Variants in ESRRG observed in about 807,000 individuals in gnomAD.
The protein encoded by ESRRG is estrogen-related receptor gamma.
A neutral mutation model predicts 44.0 loss-of-function variants in ESRRG; 13 were observed. That is an observed-to-expected ratio of 0.30 (90% CI 0.19 to 0.47). The LOEUF (loss-of-function observed/expected upper bound fraction) is 0.47. Among genes scored for constraint, ESRRG ranks in the 20% least tolerant of loss-of-function variants. The pLI, the probability that ESRRG is intolerant of heterozygous loss-of-function variation, is 1.00. For missense variants in ESRRG, 395 were observed against 580.6 expected, an observed-to-expected ratio of 0.68 and a Z score of 3.29; for synonymous variants, 215 against 214.6, an observed-to-expected ratio of 1.00 and a Z score of -0.02.
intron 1 of ESRRG, among the ~76,000 whole-genome samples, chr1:217,101,762 G>A (rs914743459): frequency 6.7e-6 from 1 of 149,676 alleles, no homozygotes; most frequent in African/African-American, 2.5e-5. Context: ...TCTTGTGTGT[G>A]TATGTGTTTG....
intron 3 of ESRRG, among the ~76,000 whole-genome samples, chr1:216,585,598 T>C (rs564173759): frequency 6.6e-6 from 1 of 152,260 alleles, no homozygotes; most frequent in South Asian, 2.1e-4. Context: ...TTAAACAATG[T>C]CAAAACAGAT....
intron 1 of ESRRG, among the ~76,000 whole-genome samples, chr1:217,108,687 A>T (rs142021138): frequency 0.013 from 1,901 of 151,946 alleles, 21 homozygotes; most frequent in Middle Eastern, 0.037. Flanking sequence ...TCACCATGTG[A>T]TGTGCCTACT....
At chr1:217,060,449 G>T (rs943863115) in intron 1 of ESRRG, among the ~76,000 whole-genome samples, 6 of 152,010 alleles carry the variant, frequency 3.9e-5, no homozygotes, top group African/African-American at 1.4e-4. Context: ...CCTTTCCTCT[G>T]AACTTCTTGA....
chr1:216,526,115 T>C (rs948040794), intron 5 of ESRRG, among the ~76,000 whole-genome samples: 3 of 152,092 alleles, frequency 2.0e-5, no homozygotes, highest in Non-Finnish European at 4.4e-5. Context: ...GGAAGTGATG[T>C]CTGAGGGGAG....
chr1:216,522,187 A>C (rs1164705162), intron 5 of ESRRG, among the ~76,000 whole-genome samples: 1 of 150,928 alleles, frequency 6.6e-6, no homozygotes, highest in Non-Finnish European at 1.5e-5. Flanking sequence ...CCTTCCTGCA[A>C]ACCTAACTTT....
intron 1 of ESRRG, among the ~76,000 whole-genome samples, chr1:216,687,477 T>C (rs973648629): frequency 6.6e-6 from 1 of 151,212 alleles, no homozygotes; most frequent in Non-Finnish European, 1.5e-5. Flanking sequence ...TTTGGAGTGA[T>C]TTTTTCCCTC....
At chr1:216,821,618 G>A (rs1416968658) in intron 2 of ESRRG, among the ~76,000 whole-genome samples, 1 of 149,680 alleles carries the variant, frequency 6.7e-6, no homozygotes. Flanking sequence ...CCAGGAGTTT[G>A]AGGTTGGAAT....
chr1:216,597,908 C>T (rs948548837), intron 3 of ESRRG, among the ~76,000 whole-genome samples: 5 of 152,156 alleles, frequency 3.3e-5, no homozygotes, highest in African/African-American at 1.2e-4. Context: ...CTTCATTCAA[C>T]CTACAGTGTG....
At chr1:216,634,940 AT>A (rs2064995770) in intron 3 of ESRRG, among the ~76,000 whole-genome samples, 2 of 151,924 alleles carry the variant, frequency 1.3e-5, no homozygotes, top group African/African-American at 4.8e-5. Flanking sequence ...ATGGAAGCCT[AT>A]TTTTTTCTTT....
At chr1:216,651,467 T>C (rs547592125) in intron 2 of ESRRG, among the ~76,000 whole-genome samples, 3 of 152,334 alleles carry the variant, frequency 2.0e-5, no homozygotes, top group Non-Finnish European at 4.4e-5. Context: ...CAATCCTGGA[T>C]TTATTCTGAT....
intron 1 of ESRRG, among the ~76,000 whole-genome samples, chr1:217,015,953 A>G (rs1422646543): frequency 6.6e-6 from 1 of 152,040 alleles, no homozygotes; most frequent in African/African-American, 2.4e-5. Flanking sequence ...CTGGCTTCGA[A>G]CTGCTGACCT....
intron 2 of ESRRG, among the ~76,000 whole-genome samples, chr1:216,762,394 T>C (rs1187819072): frequency 2.0e-5 from 3 of 152,030 alleles, no homozygotes; most frequent in Non-Finnish European, 4.4e-5. Flanking sequence ...GATGAGTTCA[T>C]GTCCTTTGTA....
intron 2 of ESRRG, among the ~76,000 whole-genome samples, chr1:216,925,975 C>T (rs1276246694): frequency 1.3e-5 from 2 of 152,102 alleles, no homozygotes; most frequent in East Asian, 1.9e-4. Context: ...TGGGTCTGCT[C>T]TTCACAGTTC....
chr1:216,587,563 AC>A (rs1258851521), intron 3 of ESRRG, among the ~76,000 whole-genome samples: 1 of 152,210 alleles, frequency 6.6e-6, no homozygotes, highest in Non-Finnish European at 1.5e-5. Context: ...GACTAAATTA[AC>A]CCAAAAATGA....
intron 2 of ESRRG, among the ~76,000 whole-genome samples, chr1:216,859,226 G>A (rs1448736982): frequency 5.3e-5 from 8 of 152,098 alleles, no homozygotes; most frequent in African/African-American, 2.4e-5. Context: ...CTAGAGCAAG[G>A]TAAAGAGATA....
intron 2 of ESRRG, among the ~76,000 whole-genome samples, chr1:216,751,796 T>C (rs775032294): frequency 4.0e-4 from 60 of 151,404 alleles, no homozygotes; most frequent in Non-Finnish European, 8.0e-4. Context: ...TTTTAGACTG[T>C]TTATCGTATT....
intron 2 of ESRRG, among the ~76,000 whole-genome samples, chr1:216,849,710 C>T (rs564437124): frequency 1.8e-4 from 28 of 152,180 alleles, no homozygotes; most frequent in South Asian, 1.7e-3. Flanking sequence ...AAAAGACCCA[C>T]GCTCCTCAAA....
chr1:217,038,378 C>A (rs1163334545), intron 1 of ESRRG, among the ~76,000 whole-genome samples: 2 of 152,220 alleles, frequency 1.3e-5, no homozygotes, highest in African/African-American at 2.4e-5. Flanking sequence ...TAGCTCCTTA[C>A]AGTTAAACTG....
At chr1:216,676,073 C>A (rs1414079366) in intron 2 of ESRRG, among the ~76,000 whole-genome samples, 3 of 152,164 alleles carry the variant, frequency 2.0e-5, no homozygotes, top group Admixed American at 6.6e-5. Flanking sequence ...AACCACTGAG[C>A]AGAACCATTG....
Sources: allele counts gnomAD v4.1 joint callset (sites outside exome capture counted in the v4.1 genomes callset), GRCh38; gene constraint gnomAD v4.1.1; transcripts MANE v1.5; gene names NCBI Gene and HGNC (gene_info 2026-07-23, HGNC 2026-07-21).